SLC10A7: variants seen among roughly 807,000 people sequenced by gnomAD.
SLC10A7 encodes the protein sodium/bile acid cotransporter 7.
Under a neutral mutation model 43.2 loss-of-function variants are expected in SLC10A7, and 29 were observed. The observed-to-expected ratio is 0.67, with a 90% CI of 0.50 to 0.92. The LOEUF (loss-of-function observed/expected upper bound fraction) is 0.92. SLC10A7 is among the 40% of genes least tolerant of loss of function. SLC10A7 has a pLI of 0.00. For missense variants in SLC10A7, 295 were observed against 403.2 expected, an observed-to-expected ratio of 0.73 and a Z score of 2.30; for synonymous variants, 152 against 144.8, an observed-to-expected ratio of 1.05 and a Z score of -0.35.
intron 2 of SLC10A7, chr4:146,515,118 T>C (rs1737822611): frequency 1.4e-6 from 1 of 702,220 alleles, no homozygotes; most frequent in Non-Finnish European, 2.6e-6. Flanking sequence ...TCCCACAAAG[T>C]TGGCTGCTTC....
chr4:146,348,841 AAC>A (rs2149738999), intron 5 of SLC10A7, among the ~76,000 whole-genome samples: 1 of 152,306 alleles, frequency 6.6e-6, no homozygotes, highest in African/African-American at 2.4e-5. Context: ...AAGAGTGTGT[AAC>A]AGTCGCACTT....
intron 4 of SLC10A7, among the ~76,000 whole-genome samples, chr4:146,483,626 A>C (rs534126268): frequency 6.6e-6 from 1 of 152,236 alleles, no homozygotes; most frequent in South Asian, 2.1e-4. Flanking sequence ...TATCTCTAAT[A>C]ACCTTGAATG....
At chr4:146,275,455 A>G (rs1372092855) in intron 10 of SLC10A7, among the ~76,000 whole-genome samples, 1 of 152,146 alleles carries the variant, frequency 6.6e-6, no homozygotes, top group Non-Finnish European at 1.5e-5. Flanking sequence ...CATGGTGGCT[A>G]ATAGCTAGGC....
rs1738674472 is a variant in SLC10A7, at chr4:146,521,610, G to A, written c.100+8C>T. 1.2e-6 allele frequency: 2 copies of A among 1,610,678 alleles called. No homozygotes were observed. Among genetic ancestry groups the A allele is most frequent in the South Asian group, 1.1e-5 (1 of 90,960 alleles). ...CCGCGGTGGAGCCGGCAGAGGTGCA[G>A]CACTTACCCCCATTCACCCCTATGG... On this transcript the variant is annotated splice_region_variant and intron_variant, in intron 1 of 11. Coordinates refer to ENST00000335472, the MANE Select transcript of SLC10A7 (RefSeq NM_001029998.6).
At chr4:146,369,283 A>T (rs957745712) in intron 5 of SLC10A7, among the ~76,000 whole-genome samples, 3 of 152,182 alleles carry the variant, frequency 2.0e-5, no homozygotes, top group Non-Finnish European at 2.9e-5. Context: ...TGATAACAAC[A>T]GCTTCTCCAC....
rs1212070962 is a variant in SLC10A7, at chr4:146,516,481, T to C, written c.183+557A>G. 7.5e-5 allele frequency among the ~76,000 whole-genome samples: 11 copies of C among 147,212 alleles called. No individual in the cohort carries two copies. In the East Asian group the frequency reaches 1.6e-3, roughly 22 times the overall value. The stretch of plus-strand genomic sequence containing the variant: ...ATGTATGTGTATATGTATATGTGTA[T>C]ATATATACACATATACATATACACA... On this transcript the variant is annotated intron_variant, in intron 2 of 11. Coordinates refer to ENST00000335472, the MANE Select transcript of SLC10A7 (RefSeq NM_001029998.6).
At chr4:146,511,199 G>A (rs933188723) in intron 2 of SLC10A7, among the ~76,000 whole-genome samples, 4 of 152,116 alleles carry the variant, frequency 2.6e-5, no homozygotes, top group African/African-American at 7.2e-5. Context: ...CCAGGCACAC[G>A]TTATGAGTTT....
chr4:146,326,036 G>A (rs1395374229), intron 5 of SLC10A7, 40 bp from the exon 6 acceptor site: 1 of 1,584,064 alleles, frequency 6.3e-7, no homozygotes, highest in South Asian at 1.1e-5. Flanking sequence ...TTATCAGCCT[G>A]GAAAGCAGGA....
chr4:146,365,901 G>A (rs1736360352), intron 5 of SLC10A7, among the ~76,000 whole-genome samples: 1 of 152,196 alleles, frequency 6.6e-6, no homozygotes, highest in African/African-American at 2.4e-5. Context: ...GAGGTGAGTG[G>A]TAGGCCAGTG....
chr4:146,373,468 T>C (rs1736936507), intron 5 of SLC10A7, among the ~76,000 whole-genome samples: 1 of 75,978 alleles, frequency 1.3e-5, no homozygotes, highest in Non-Finnish European at 2.3e-5. Flanking sequence ...AGCAAGACCC[T>C]GTCTCAAAAA....
chr4:146,287,105 AGTCTGGAGTGGTGAGAAGGACCGT>A (rs70956901), intron 9 of SLC10A7, among the ~76,000 whole-genome samples: 15 of 66,444 alleles, frequency 2.3e-4, no homozygotes, highest in South Asian at 5.7e-4. Context: ...AGAAGGACCG[AGTCTGGAGTGGTGAGAAGGACCGT>A]GTCTGGAGTG....
intron 5 of SLC10A7, among the ~76,000 whole-genome samples, chr4:146,390,558 G>A (rs1218581116): frequency 1.3e-5 from 2 of 152,080 alleles, no homozygotes; most frequent in African/African-American, 2.4e-5. Flanking sequence ...TGAGCCTTGG[G>A]CCAGCAGGTC....
At chr4:146,318,055 C>T (rs1173483399) in intron 6 of SLC10A7, among the ~76,000 whole-genome samples, 1 of 152,012 alleles carries the variant, frequency 6.6e-6, no homozygotes, top group African/African-American at 2.4e-5. Context: ...CACAAGCTCT[C>T]CCTTATTTTT....
In SLC10A7 at chr4:146,347,503, A is replaced by C. The variant is rs576626100; in HGVS notation, c.436-21507T>G. On this transcript the variant is annotated intron_variant, in intron 5 of 11. Coordinates refer to ENST00000335472, the MANE Select transcript of SLC10A7 (RefSeq NM_001029998.6). ...GTTACCAGTGCTGCTAAGTTGAGACATGGCTGGAGTGGAGGACAGGATTGT... is the reference window on the plus strand; with the variant it reads ...GTTACCAGTGCTGCTAAGTTGAGACCTGGCTGGAGTGGAGGACAGGATTGT... Among the ~76,000 whole-genome samples, 12 of 152,344 alleles carry C rather than the reference A, an allele frequency of 7.9e-5. No individual in the cohort carries two copies. The East Asian group carries it at 2.3e-3, about 29-fold the overall frequency.
intron 5 of SLC10A7, among the ~76,000 whole-genome samples, chr4:146,327,642 C>T (rs577080774): frequency 1.3e-5 from 2 of 152,314 alleles, no homozygotes; most frequent in African/African-American, 4.8e-5. Context: ...CCAAGAGATT[C>T]AAGAGTAAGT....
At chr4:146,361,128 CATTAT>C (rs1291315331) in intron 5 of SLC10A7, among the ~76,000 whole-genome samples, 1 of 152,100 alleles carries the variant, frequency 6.6e-6, no homozygotes, top group Non-Finnish European at 1.5e-5. Context: ...GCATTTATCA[CATTAT>C]ATTTTAATAA....
chr4:146,500,774 C>T (rs1445064707), intron 4 of SLC10A7, among the ~76,000 whole-genome samples: 4 of 152,150 alleles, frequency 2.6e-5, no homozygotes, highest in Non-Finnish European at 2.9e-5. Flanking sequence ...CTACTTCTAT[C>T]TCTAATTCTG....
At chr4:146,327,171 A>G (rs560219993) in intron 5 of SLC10A7, among the ~76,000 whole-genome samples, 32 of 152,230 alleles carry the variant, frequency 2.1e-4, no homozygotes, top group Admixed American at 9.8e-4. Context: ...ACCTTAAATG[A>G]ACAATGCTAC....
At chr4:146,463,157 T>C (rs776314839) in intron 4 of SLC10A7, among the ~76,000 whole-genome samples, 5 of 152,086 alleles carry the variant, frequency 3.3e-5, no homozygotes, top group African/African-American at 7.2e-5. Flanking sequence ...ATGCAAGCGA[T>C]GAAAATTGGG....
Sources: allele counts gnomAD v4.1 joint callset (sites outside exome capture counted in the v4.1 genomes callset), GRCh38; gene constraint gnomAD v4.1.1; transcripts MANE v1.5; gene names NCBI Gene and HGNC (gene_info 2026-07-23, HGNC 2026-07-21).